HYCC1: variants seen among roughly 807,000 people sequenced by gnomAD.
HYCC1 encodes hyccin PI4KA lipid kinase complex subunit 1, also known as hyccin.
the HYCC1 span, among the ~76,000 whole-genome samples, chr7:22,908,268 C>A: frequency 6.6e-6 from 1 of 152,318 alleles, no homozygotes; most frequent in African/African-American, 2.4e-5. Flanking sequence ...ATTTTAGGAG[C>A]TAACAAGAGC....
chr7:22,949,181 G>T, the HYCC1 span, among the ~76,000 whole-genome samples: 9 of 152,016 alleles, frequency 5.9e-5, no homozygotes, highest in African/African-American at 1.9e-4. Flanking sequence ...ACAATGAATT[G>T]CCCTAAGTCG....
At chr7:22,982,819 C>T in the HYCC1 span, among the ~76,000 whole-genome samples, 12 of 149,046 alleles carry the variant, frequency 8.1e-5, no homozygotes, top group Non-Finnish European at 1.8e-4. Context: ...TTGAGGCCCA[C>T]CATGGTTATG....
chr7:22,963,768 G>A, the HYCC1 span, among the ~76,000 whole-genome samples: 4 of 152,068 alleles, frequency 2.6e-5, no homozygotes, highest in African/African-American at 9.7e-5. Context: ...GGCCAGACTG[G>A]GCCCACAGAC....
At chr7:22,903,451 A>T in the HYCC1 span, among the ~76,000 whole-genome samples, 1 of 152,234 alleles carries the variant, frequency 6.6e-6, no homozygotes, top group African/African-American at 2.4e-5. Context: ...TTATGCCAAC[A>T]AATTTGACAA....
the HYCC1 span, among the ~76,000 whole-genome samples, chr7:23,002,160 A>ACACAAT: frequency 1.5e-5 from 1 of 68,192 alleles, no homozygotes; most frequent in African/African-American, 6.5e-5. Flanking sequence ...ATATATATAT[A>ACACAAT]TATATATATA....
chr7:22,973,162 T>C, the HYCC1 span, among the ~76,000 whole-genome samples: 1 of 152,230 alleles, frequency 6.6e-6, no homozygotes, highest in Non-Finnish European at 1.5e-5. Context: ...CAGGAAAACC[T>C]GTGTTAGTGC....
At chr7:22,938,831 T>C in the HYCC1 span, 2 of 127,214 alleles carry the variant, frequency 1.6e-5, no homozygotes, top group Non-Finnish European at 3.5e-5. Flanking sequence ...GTTTCCATGC[T>C]TCACTCACAG....
chr7:22,925,987 G>A, the HYCC1 span, among the ~76,000 whole-genome samples: 72 of 152,186 alleles, frequency 4.7e-4, no homozygotes, highest in African/African-American at 1.5e-3. Flanking sequence ...TGATCTCTCG[G>A]CAGAAACTCT....
At chr7:22,964,633 A>G in the HYCC1 span, 1 of 693,948 alleles carries the variant, frequency 1.4e-6, no homozygotes, top group African/African-American at 1.8e-5. Context: ...CTTTCATAAC[A>G]AACCTAATAT....
chr7:22,900,703 G>A, the HYCC1 span, among the ~76,000 whole-genome samples: 1 of 151,782 alleles, frequency 6.6e-6, no homozygotes, highest in African/African-American at 2.4e-5. Context: ...GGGAACAGAA[G>A]AACAAAAAAT....
At chr7:22,970,333 A>G in the HYCC1 span, among the ~76,000 whole-genome samples, 2 of 152,228 alleles carry the variant, frequency 1.3e-5, no homozygotes, top group East Asian at 3.8e-4. Flanking sequence ...CTTTAATCCT[A>G]ACTCTACTTA....
At chr7:22,919,397 C>T in the HYCC1 span, among the ~76,000 whole-genome samples, 1 of 152,058 alleles carries the variant, frequency 6.6e-6, no homozygotes, top group Non-Finnish European at 1.5e-5. Context: ...GGTGTGGTGG[C>T]ACGTGCCTGT....
the HYCC1 span, among the ~76,000 whole-genome samples, chr7:22,962,672 C>T: frequency 1.3e-5 from 2 of 151,886 alleles, no homozygotes; most frequent in Non-Finnish European, 1.5e-5. Context: ...AAACTCCCAT[C>T]CCTGAGATGC....
chr7:22,896,447 A>G, the HYCC1 span, among the ~76,000 whole-genome samples: 1 of 152,212 alleles, frequency 6.6e-6, no homozygotes, highest in South Asian at 2.1e-4. Flanking sequence ...CAGTTGCATG[A>G]TTCCTACATA....
chr7:22,975,396 C>CT, the HYCC1 span, among the ~76,000 whole-genome samples: 4 of 152,170 alleles, frequency 2.6e-5, no homozygotes, highest in Non-Finnish European at 2.9e-5. Flanking sequence ...ATTAACTACT[C>CT]TTTTAAATCA....
the HYCC1 span, among the ~76,000 whole-genome samples, chr7:22,985,936 T>C: frequency 2.0e-5 from 3 of 150,424 alleles, no homozygotes; most frequent in Non-Finnish European, 3.0e-5. Context: ...TGTGTATACA[T>C]GTCTAACATA....
At chr7:23,010,105 T>C in the HYCC1 span, among the ~76,000 whole-genome samples, 1 of 152,326 alleles carries the variant, frequency 6.6e-6, no homozygotes, top group South Asian at 2.1e-4. Flanking sequence ...TCTAATTTTT[T>C]AAAGTACTTC....
At chr7:22,926,830 G>T in the HYCC1 span, among the ~76,000 whole-genome samples, 4 of 151,636 alleles carry the variant, frequency 2.6e-5, no homozygotes, top group African/African-American at 9.7e-5. Flanking sequence ...GCACCAAGCA[G>T]ACCTAATAGA....
At chr7:22,951,446 T>A in the HYCC1 span, among the ~76,000 whole-genome samples, 1 of 151,944 alleles carries the variant, frequency 6.6e-6, no homozygotes, top group Non-Finnish European at 1.5e-5. Flanking sequence ...ATATAATTTA[T>A]TATTTGTCTG....
Sources: gnomAD v4.1 joint callset for allele counts (sites outside exome capture counted in the v4.1 genomes callset) on GRCh38, gnomAD v4.1.1 for gene constraint, MANE v1.5 for transcripts, NCBI Gene and HGNC (gene_info 2026-07-23, HGNC 2026-07-21) for gene names.